The following SCARB1 variants were observed in gnomAD, a reference collection of about 807,000 sequenced individuals.
SCARB1 encodes scavenger receptor class B member 1.
In SCARB1, 30 loss-of-function variants were observed where a neutral mutation model predicts 57.2. The ratio of observed to expected loss-of-function variants is 0.52; its 90% CI spans 0.39 to 0.71. The LOEUF is 0.71. Among genes scored for constraint, SCARB1 ranks in the 30% least tolerant of loss-of-function variants. The pLI, the probability that SCARB1 is intolerant of heterozygous loss-of-function variation, is 0.00. For synonymous variants in SCARB1, 249 were observed against 268.3 expected, an observed-to-expected ratio of 0.93 and a Z score of 0.70; for missense variants, 543 against 671.2, an observed-to-expected ratio of 0.81 and a Z score of 2.11.
intron 6 of SCARB1, among the ~76,000 whole-genome samples, chr12:124,808,910 T>A (rs1950419238): frequency 6.6e-6 from 1 of 152,178 alleles, no homozygotes; most frequent in South Asian, 2.1e-4. Context: ...TAAAATACAT[T>A]ATTAAAAATA....
rs1357690200 is a variant in SCARB1, at chr12:124,810,746, A to C, written c.727-457T>G. ...CCTGTCAGGTTAACTGACTCTGGGG[A>C]GCGAGACCCAGACTCGACAAAACCA... On this transcript the variant is annotated intron_variant, in intron 5 of 12. Coordinates refer to ENST00000261693, the MANE Select transcript of SCARB1 (RefSeq NM_005505.5). The surrounding 1 kb of genome is among the most constrained non-coding windows in gnomAD (Gnocchi z 4.0). Among the ~76,000 whole-genome samples, 1 of 152,204 alleles carries C rather than the reference A, an allele frequency of 6.6e-6. No homozygotes were observed. Among genetic ancestry groups the C allele is most frequent in the African/African-American group, 2.4e-5 (1 of 41,450 alleles).
At chr12:124,805,060 G>C (rs779615381) in intron 7 of SCARB1, among the ~76,000 whole-genome samples, 1 of 151,114 alleles carries the variant, frequency 6.6e-6, no homozygotes, top group Non-Finnish European at 1.5e-5. Context: ...TGAATGGAAG[G>C]GGCAATGAAT....
In SCARB1 at chr12:124,847,340, G is replaced by A. The variant is rs537137910; in HGVS notation, c.126+16255C>T. Among the ~76,000 whole-genome samples the A allele has an allele frequency of 7.6e-4, 116 of 152,328 alleles. No homozygotes were observed. In the Middle Eastern group the frequency reaches 0.02, roughly 27 times the overall value. On this transcript the variant is annotated intron_variant, in intron 1 of 12. Transcript: ENST00000261693. Reference sequence around the variant, plus strand: ...TGCAATGGGCTCTCGGCCAAGTAAGGCCAGTTTGACCTCCACCTGCCTGCC... The same window carrying A: ...TGCAATGGGCTCTCGGCCAAGTAAGACCAGTTTGACCTCCACCTGCCTGCC...
At position 124,810,805 on chromosome 12, in the gene SCARB1, A is replaced by T. The variant is rs1187407488; in HGVS notation, c.727-516T>A. 6.6e-6 allele frequency among the ~76,000 whole-genome samples: 1 copy of T among 152,214 alleles called. No individual in the cohort carries two copies. Among genetic ancestry groups the T allele is most frequent in the Non-Finnish European group, 1.5e-5 (1 of 68,042 alleles). On this transcript the variant is annotated intron_variant, in intron 5 of 12. Transcript: ENST00000261693. The surrounding 1 kb of genome is among the most constrained non-coding windows in gnomAD (Gnocchi z 4.0). ...CTTTCCAATCTTCTGTATGATGAGG[A>T]TGTTTAAAATCACGTGCACATGTAC...
At chr12:124,787,558 T>G in intron 9 of SCARB1, 101 bp from the exon 10 acceptor site, 1 of 1,037,692 alleles carries the variant, frequency 9.6e-7, no homozygotes, top group South Asian at 1.4e-5. Flanking sequence ...AGTATAATTT[T>G]GCACACACTA....
rs985126727 is a variant in SCARB1 at position 124,807,516 on chromosome 12, T to C, written c.1009+245A>G. Among the ~76,000 whole-genome samples the C allele has an allele frequency of 1.3e-5, 2 of 152,218 alleles. No individual in the cohort carries two copies. The highest frequency in any genetic ancestry group is 2.9e-5 in the Non-Finnish European group (2 of 68,034). On this transcript the variant is annotated intron_variant, in intron 7 of 12. Coordinates refer to ENST00000261693, the MANE Select transcript of SCARB1 (RefSeq NM_005505.5). This position sits in a 1 kb window ranked among gnomAD's most constrained non-coding sequence, Gnocchi z 5.3. ...CCACGCAGACTTCTGACTACAGAAC[T>C]GCAAGATAACCAGTGTGTGTTGTTC...
intron 1 of SCARB1, among the ~76,000 whole-genome samples, chr12:124,840,466 G>A (rs1951865286): frequency 6.6e-6 from 1 of 152,120 alleles, no homozygotes; most frequent in Admixed American, 6.5e-5. Context: ...GTGAGCCACC[G>A]CGCCTGGCTG....
At chr12:124,836,590 C>T (rs1179773300) in intron 1 of SCARB1, among the ~76,000 whole-genome samples, 1 of 151,880 alleles carries the variant, frequency 6.6e-6, no homozygotes, top group Non-Finnish European at 1.5e-5. Flanking sequence ...CCCAGGAGTT[C>T]GAGACCAGCC....
intron 1 of SCARB1, among the ~76,000 whole-genome samples, chr12:124,859,452 A>C (rs923633358): frequency 2.0e-5 from 3 of 151,894 alleles, no homozygotes; most frequent in African/African-American, 7.3e-5. Context: ...AATGGTGTGA[A>C]CCCAGGAGGC....
intron 1 of SCARB1, among the ~76,000 whole-genome samples, chr12:124,846,055 G>C (rs991337454): frequency 6.6e-6 from 1 of 152,138 alleles, no homozygotes; most frequent in Non-Finnish European, 1.5e-5. Flanking sequence ...CGTAACAGGT[G>C]CATCTGTAGA....
chr12:124,790,009 CAAAA>C (rs61031862), intron 9 of SCARB1, among the ~76,000 whole-genome samples: 1 of 106,130 alleles, frequency 9.4e-6, no homozygotes, highest in African/African-American at 3.7e-5. Context: ...GACTCCGTCT[CAAAA>C]AAAAAAAAAA....
intron 1 of SCARB1, among the ~76,000 whole-genome samples, chr12:124,852,219 T>C (rs12423301): frequency 0.033 from 4,955 of 152,244 alleles, 522 homozygotes; most frequent in East Asian, 0.25. Context: ...TCCACCTTCA[T>C]GCTGGGGCAG....
At position 124,796,683 on chromosome 12, in the gene SCARB1, G is replaced by A. The variant is rs1949955112; in HGVS notation, c.1129-1415C>T. ...TAGGTTATTATCACGTACACTATAG[G>A]GAAAGGATGTTTTCTTCATTATGGC... On this transcript the variant is annotated intron_variant, in intron 8 of 12. Coordinates refer to ENST00000261693, the MANE Select transcript of SCARB1 (RefSeq NM_005505.5). The surrounding 1 kb of genome is among the most constrained non-coding windows in gnomAD (Gnocchi z 4.0). 6.6e-6 allele frequency among the ~76,000 whole-genome samples: 1 copy of A among 152,204 alleles called. No homozygotes were observed. The highest frequency in any genetic ancestry group is 6.5e-5 in the Admixed American group (1 of 15,286).
In SCARB1 at chr12:124,834,911, C is replaced by T. The variant is rs539387903; in HGVS notation, c.127-17204G>A. Among the ~76,000 whole-genome samples the T allele has an allele frequency of 3.6e-4, 55 of 152,090 alleles. No individual in the cohort carries two copies. In the East Asian group the frequency reaches 7.0e-3, roughly 19 times the overall value. On this transcript the variant is annotated intron_variant, in intron 1 of 12. Coordinates refer to ENST00000261693, the MANE Select transcript of SCARB1 (RefSeq NM_005505.5). The stretch of plus-strand genomic sequence containing the variant: ...CAACAGAGCAAGACCCTGTCCACCC[C>T]CCCAAAAAAAAGGCGGTCTCCAAAC...
At chr12:124,838,103 C>T (rs149241209) in intron 1 of SCARB1, among the ~76,000 whole-genome samples, 3 of 152,326 alleles carry the variant, frequency 2.0e-5, no homozygotes, top group Non-Finnish European at 4.4e-5. Flanking sequence ...AGACACAACC[C>T]GTGCAGCCTG....
intron 1 of SCARB1, among the ~76,000 whole-genome samples, chr12:124,854,334 G>A (rs1952545489): frequency 6.6e-6 from 1 of 152,236 alleles, no homozygotes; most frequent in East Asian, 1.9e-4. Context: ...CAAGGGAAAA[G>A]GGAATGCGGA....
intron 1 of SCARB1, among the ~76,000 whole-genome samples, chr12:124,820,531 C>A (rs1054839127): frequency 1.3e-5 from 2 of 152,120 alleles, no homozygotes; most frequent in African/African-American, 4.8e-5. Context: ...AGCTCTCAGG[C>A]CCCGATCGCC....
chr12:124,795,076 CCT>C, intron 9 of SCARB1, 117 bp downstream of exon 9: 1 of 869,056 alleles, frequency 1.2e-6, no homozygotes. Flanking sequence ...CCAATAGGAC[CCT>C]CTCCCCTCCC....
chr12:124,797,759 A>G (rs766760459), intron 8 of SCARB1, among the ~76,000 whole-genome samples: 1 of 152,228 alleles, frequency 6.6e-6, no homozygotes, highest in Non-Finnish European at 1.5e-5. Context: ...GAAGGCAGAG[A>G]CCAGGGCTGG....
Sources: gnomAD v4.1 joint callset for allele counts (sites outside exome capture counted in the v4.1 genomes callset) on GRCh38, gnomAD v4.1.1 for gene constraint, Gnocchi (gnomAD v3.1) non-coding constraint, MANE v1.5 for transcripts, NCBI Gene and HGNC (gene_info 2026-07-23, HGNC 2026-07-21) for gene names.